MSH3: variants seen among roughly 807,000 people sequenced by gnomAD.
MSH3 encodes the protein DNA mismatch repair protein Msh3.
Under a neutral mutation model 123.3 loss-of-function variants are expected in MSH3, and 106 were observed. The ratio of observed to expected loss-of-function variants is 0.86; its 90% confidence interval spans 0.73 to 1.01. The LOEUF (loss-of-function observed/expected upper bound fraction) is 1.01, where lower values mean the gene tolerates loss of function less well. Among genes scored for constraint, MSH3 ranks in the 50% least tolerant of loss-of-function variants. The pLI is 0.00. For synonymous variants in MSH3, 515 were observed against 481.4 expected (o/e 1.07, Z -0.91); for missense variants, 1,459 against 1,347.6 (o/e 1.08, Z -1.29).
intron 22 of MSH3, among the ~76,000 whole-genome samples, chr5:80,871,793 A>G (rs113865042): frequency 6.6e-6 from 1 of 152,074 alleles, no homozygotes; most frequent in Admixed American, 6.6e-5. Context: ...GAAGTGAGTC[A>G]CTGGTTAGGA....
In MSH3 at chr5:80,721,454, A is replaced by G. The variant is rs547190194; in HGVS notation, c.1341-3999A>G. On this transcript the variant is annotated intron_variant, in intron 8 of 23. Coordinates refer to ENST00000265081, the MANE Select transcript of MSH3 (RefSeq NM_002439.5). ...ATCAAATATACAAACTGCACTCCCA[A>G]TTTCAGCTCCTCAAAATGTCCTACT... Among the ~76,000 whole-genome samples the G allele has an allele frequency of 5.3e-4, 81 of 152,260 alleles. No homozygotes were observed. The South Asian group carries it at 6.2e-3, about 12-fold the overall frequency.
chr5:80,855,206 A>G (rs1318802888), intron 21 of MSH3, among the ~76,000 whole-genome samples: 1 of 150,700 alleles, frequency 6.6e-6, no homozygotes, highest in East Asian at 2.0e-4. Context: ...CCTTCATGGC[A>G]CCTCTCCTTA....
rs532877710 is a variant in MSH3 at position 80,845,104 on chromosome 5, A to AAAAT, written c.2814-9025_2814-9022dup. Among the ~76,000 whole-genome samples, 25 of 152,316 alleles carry AAAAT rather than the reference A, an allele frequency of 1.6e-4. No homozygotes were observed. In the South Asian group the frequency reaches 4.8e-3, roughly 29 times the overall value. ...CTTGTAAGGCAGACCTGGTGGTGAC[A>AAAAT]AAATCTCTCAGCATTTGGTTGTCTG... On this transcript the variant is annotated intron_variant, in intron 20 of 23. Coordinates refer to ENST00000265081, the MANE Select transcript of MSH3 (RefSeq NM_002439.5).
At chr5:80,724,047 G>A (rs554007943) in intron 8 of MSH3, among the ~76,000 whole-genome samples, 1 of 152,316 alleles carries the variant, frequency 6.6e-6, no homozygotes, top group African/African-American at 2.4e-5. Flanking sequence ...TTAAGCCACC[G>A]TGCCCGGCCA....
At chr5:80,765,387 A>G (rs1744104897) in intron 13 of MSH3, among the ~76,000 whole-genome samples, 1 of 152,198 alleles carries the variant, frequency 6.6e-6, no homozygotes, top group South Asian at 2.1e-4. Context: ...AGCTTCCTGT[A>G]TAGGGTGGGG....
chr5:80,739,672 C>T (rs1003597242), intron 10 of MSH3, among the ~76,000 whole-genome samples: 2 of 152,184 alleles, frequency 1.3e-5, no homozygotes, highest in African/African-American at 4.8e-5. Context: ...CGCTGAAAAT[C>T]ATTAACAGAT....
At chr5:80,725,333 T>C in intron 8 of MSH3, 120 bp from the exon 9 acceptor site, 1 of 688,814 alleles carries the variant, frequency 1.5e-6, no homozygotes. Context: ...TTTCTTCAAC[T>C]TGGGAAAGAA....
chr5:80,745,944 T>C (rs1561464032), intron 12 of MSH3, among the ~76,000 whole-genome samples: 1 of 152,208 alleles, frequency 6.6e-6, no homozygotes, highest in Non-Finnish European at 1.5e-5. Flanking sequence ...GACACTGTTA[T>C]GGGTTTTGCT....
chr5:80,785,336 G>A (rs980733482), intron 17 of MSH3, among the ~76,000 whole-genome samples: 35 of 152,134 alleles, frequency 2.3e-4, no homozygotes, highest in Non-Finnish European at 4.4e-4. Flanking sequence ...TACCCATTGC[G>A]CTACTGGCCA....
intron 19 of MSH3, among the ~76,000 whole-genome samples, chr5:80,810,452 A>G (rs1744991752): frequency 6.6e-6 from 1 of 152,076 alleles, no homozygotes; most frequent in Non-Finnish European, 1.5e-5. Flanking sequence ...TGCTTAAAAG[A>G]GGAATTGCTG....
chr5:80,872,201 G>A (rs1160550043), intron 22 of MSH3, among the ~76,000 whole-genome samples: 1 of 152,116 alleles, frequency 6.6e-6, no homozygotes, highest in African/African-American at 2.4e-5. Context: ...CTGGTATGGT[G>A]GTTCATGCCT....
At position 80,730,903 on chromosome 5, in the gene MSH3, T is replaced by TC. The variant is rs1344700965; in HGVS notation, c.1568+1938_1568+1939insC. 3.3e-3 allele frequency among the ~76,000 whole-genome samples: 490 copies of TC among 147,720 alleles called. 3 individuals are homozygous for TC. Among genetic ancestry groups the TC allele is most frequent in the Middle Eastern group, 0.021 (6 of 282 alleles). The stretch of plus-strand genomic sequence containing the variant: ...ATATATATATATATATATTTTTTTT[T>TC]TTTTCTTTTTTTTTTTTTAGATGGA... On this transcript the variant is annotated intron_variant, in intron 10 of 23. Coordinates refer to ENST00000265081, the MANE Select transcript of MSH3 (RefSeq NM_002439.5).
chr5:80,702,132 A>T (rs977674213), intron 8 of MSH3, among the ~76,000 whole-genome samples: 2 of 152,138 alleles, frequency 1.3e-5, no homozygotes, highest in African/African-American at 4.8e-5. Flanking sequence ...AGTTTTTTCC[A>T]GGCTTTTGTG....
chr5:80,811,760 A>T (rs1368995264), intron 19 of MSH3, among the ~76,000 whole-genome samples: 1 of 151,844 alleles, frequency 6.6e-6, no homozygotes, highest in Non-Finnish European at 1.5e-5. Flanking sequence ...TGTGATTTTT[A>T]AAAAAGGAGA....
chr5:80,743,306 C>T (rs908524229), intron 11 of MSH3, among the ~76,000 whole-genome samples: 2 of 152,124 alleles, frequency 1.3e-5, no homozygotes, highest in African/African-American at 4.8e-5. Flanking sequence ...GTCCAGCCAT[C>T]CTCAGAGGAA....
chr5:80,690,533 G>A (rs1317830291), intron 8 of MSH3, among the ~76,000 whole-genome samples: 2 of 152,048 alleles, frequency 1.3e-5, no homozygotes, highest in African/African-American at 4.8e-5. Context: ...GGTCAAACTG[G>A]TCTCGAACTC....
rs766676509 is a variant in MSH3, at chr5:80,665,129, A to G, written c.359-14A>G. ...ATTACTATTGTTCTGTTTTCTTCTT[A>G]TTTGCTGCCTAAGAGCCAAAGAAAT... On this transcript the variant is annotated splice_polypyrimidine_tract_variant and intron_variant, in intron 2 of 23. Transcript: ENST00000265081. 3 of 1,606,606 alleles carry G rather than the reference A, an allele frequency of 1.9e-6. No homozygotes were observed. Among genetic ancestry groups the G allele is most frequent in the African/African-American group, 2.7e-5 (2 of 74,708 alleles).
At chr5:80,815,488 A>G (rs1745085245) in intron 20 of MSH3, among the ~76,000 whole-genome samples, 1 of 152,210 alleles carries the variant, frequency 6.6e-6, no homozygotes, top group Non-Finnish European at 1.5e-5. Flanking sequence ...AAGTAAAATA[A>G]AAGAAGGGTT....
In MSH3 at chr5:80,692,021, ATAGATAAACAGTATGTT is replaced by A. The variant is rs1470297327; in HGVS notation, c.1340+12935_1340+12951del. Among the ~76,000 whole-genome samples, 252 of 107,454 alleles carry A rather than the reference ATAGATAAACAGTATGTT, an allele frequency of 2.3e-3. 21 individuals are homozygous for A. Among genetic ancestry groups the A allele is most frequent in the Non-Finnish European group, 4.0e-3 (186 of 46,046 alleles). 70.5% of individuals were successfully genotyped at this position (107,454 alleles called of 152,430 possible). A position where few individuals can be genotyped will look rare whatever the true frequency, so the allele number is the denominator to read the frequency against. Reference sequence around the variant, plus strand: ...GATAGATAAACATGTATATGTTTAGATAGATAAACAGTATGTTTAGATAGATAAACATGTATATGTTT... The same window carrying A: ...GATAGATAAACATGTATATGTTTAGATAGATAGATAAACATGTATATGTTT... On this transcript the variant is annotated intron_variant, in intron 8 of 23. Transcript: ENST00000265081.
Sources: allele counts gnomAD v4.1 joint callset (sites outside exome capture counted in the v4.1 genomes callset), GRCh38; gene constraint gnomAD v4.1.1; transcripts MANE v1.5; gene names NCBI Gene and HGNC (gene_info 2026-07-23, HGNC 2026-07-21).